The following KIF26B variants were observed in gnomAD, a reference collection of about 807,000 sequenced individuals.
The protein encoded by KIF26B is kinesin family member 26B, also known as kinesin-like protein KIF26B.
In KIF26B, 63 loss-of-function variants were observed where a neutral mutation model predicts 151.2. The ratio of observed to expected loss-of-function variants is 0.42; its 90% confidence interval spans 0.34 to 0.51. The LOEUF (loss-of-function observed/expected upper bound fraction) is 0.51. Ranked by LOEUF, KIF26B falls within the 20% of genes least tolerant of loss-of-function variation. KIF26B has a pLI of 0.07. For missense variants in KIF26B, 2,813 were observed against 2,913.6 expected (o/e 0.97, Z 0.79); for synonymous variants, 1,357 against 1,262.1 (o/e 1.08, Z -1.59).
At chr1:245,467,440 C>T (rs1659819818) in intron 4 of KIF26B, among the ~76,000 whole-genome samples, 2 of 152,140 alleles carry the variant, frequency 1.3e-5, no homozygotes, top group Non-Finnish European at 2.9e-5. Context: ...AAAGGGTCTT[C>T]TTCTATCAGT....
rs752257128 is a variant in KIF26B, at chr1:245,540,984, G to A, written c.1350+34G>A. The A allele has an allele frequency of 5.1e-6, 8 of 1,562,342 alleles. No homozygotes were observed. The South Asian group carries it at 9.4e-5, about 18-fold the overall frequency. On this transcript the variant is annotated intron_variant, in intron 5 of 14. Transcript: ENST00000407071. This position sits in a 1 kb window ranked among gnomAD's most constrained non-coding sequence, Gnocchi z 4.6. Reference sequence around the variant, plus strand: ...ATCCGCCGTCCCTGCCATTTGCCCAGTGTGCGAGGTTCTGGATCAAGTTTC... The same window carrying A: ...ATCCGCCGTCCCTGCCATTTGCCCAATGTGCGAGGTTCTGGATCAAGTTTC...
chr1:245,698,059 A>G lies in KIF26B; in HGVS notation c.5825-47A>G, dbSNP rs1558279485. ...CCTGTCTCAAAAAAACAACAAAAAA[A>G]TTGAAATTCAGAAAGACTAACTCTC... On this transcript the variant is annotated intron_variant, in intron 12 of 14. Transcript: ENST00000407071. This position sits in a 1 kb window ranked among gnomAD's most constrained non-coding sequence, Gnocchi z 4.0. The G allele has an allele frequency of 1.3e-6, 2 of 1,549,818 alleles. No individual in the cohort carries two copies. The highest frequency in any genetic ancestry group is 1.2e-5 in the South Asian group (1 of 83,932).
chr1:245,472,312 T>C (rs1342936547), intron 4 of KIF26B, among the ~76,000 whole-genome samples: 1 of 152,184 alleles, frequency 6.6e-6, no homozygotes, highest in African/African-American at 2.4e-5. Flanking sequence ...ATGTATTCAT[T>C]GGCCTGCTTG....
chr1:245,683,441 G>C (rs1226118796), intron 10 of KIF26B, among the ~76,000 whole-genome samples: 1 of 152,150 alleles, frequency 6.6e-6, no homozygotes, highest in Non-Finnish European at 1.5e-5. Flanking sequence ...GCTGGGACGA[G>C]TACAGGAACA....
chr1:245,430,715 T>C (rs1658756912), intron 4 of KIF26B, among the ~76,000 whole-genome samples: 1 of 152,176 alleles, frequency 6.6e-6, no homozygotes, highest in African/African-American at 2.4e-5. Context: ...GGGCTTCTTA[T>C]ATGCCACACA....
chr1:245,316,589 GC>G (rs1184636012), intron 2 of KIF26B, among the ~76,000 whole-genome samples: 4 of 151,452 alleles, frequency 2.6e-5, no homozygotes, highest in Non-Finnish European at 5.9e-5. Context: ...GATAGAATGT[GC>G]TTTAAGAGAT....
At chr1:245,460,875 C>T (rs562878598) in intron 4 of KIF26B, among the ~76,000 whole-genome samples, 2 of 152,340 alleles carry the variant, frequency 1.3e-5, no homozygotes, top group Admixed American at 6.5e-5. Context: ...CTTCTGCACA[C>T]ATGCCATGCT....
rs1391614528 is a variant in KIF26B, at chr1:245,646,179, T to C, written c.2157T>C (p.Leu719=). The C allele has an allele frequency of 1.9e-6, 3 of 1,613,986 alleles. No homozygotes were observed. Among genetic ancestry groups the C allele is most frequent in the East Asian group, 2.2e-5 (1 of 44,890 alleles). The part of the protein sequence containing the change: ...LIDLGSCVKA[L]SKNREGGSGL... Reference sequence around the variant, plus strand: ...ATCTCGGCAGCTGTGTGAAAGCTCTTAGCAAAAATCGAGAAGGAGGCTCAG... The same window carrying C: ...ATCTCGGCAGCTGTGTGAAAGCTCTCAGCAAAAATCGAGAAGGAGGCTCAG... Residue 719 remains leucine (L), a synonymous_variant, in exon 10 of 15, where the codon CTT becomes CTC. Transcript: ENST00000407071.
In KIF26B at chr1:245,609,174, T is replaced by C. The variant is rs6691713; in HGVS notation, c.1652-92T>C. 566 of 1,243,560 alleles carry C rather than the reference T, an allele frequency of 4.6e-4. 5 individuals are homozygous for C. The African/African-American group carries it at 7.6e-3, about 17-fold the overall frequency. The allele number at this position is 1,243,560 out of a possible 1,614,324, so 77.0% of individuals were successfully genotyped here. A position where few individuals can be genotyped will look rare whatever the true frequency, so the allele number is the denominator to read the frequency against. On this transcript the variant is annotated intron_variant, in intron 7 of 14. Coordinates refer to ENST00000407071, the MANE Select transcript of KIF26B (RefSeq NM_018012.4). The stretch of plus-strand genomic sequence containing the variant: ...TCCCTTTTCCCCCCTTCCCTGTGCC[T>C]TTCTTCTATATCCTTGGCATCTATT...
intron 2 of KIF26B, among the ~76,000 whole-genome samples, chr1:245,165,719 A>G (rs945952): frequency 0.99 from 150,120 of 152,280 alleles, 74,036 homozygotes; most frequent in Middle Eastern, 1. Flanking sequence ...CCAGGAGAAG[A>G]CAGTGTCATG....
At chr1:245,573,433 G>T (rs2043084587) in intron 5 of KIF26B, among the ~76,000 whole-genome samples, 1 of 152,158 alleles carries the variant, frequency 6.6e-6, no homozygotes. Flanking sequence ...TGAGGCAGAA[G>T]AATCGCTTGA....
chr1:245,649,878 T>C (rs2043996041), intron 10 of KIF26B, among the ~76,000 whole-genome samples: 1 of 152,206 alleles, frequency 6.6e-6, no homozygotes, highest in Non-Finnish European at 1.5e-5. Context: ...GAAAGTGAGT[T>C]TGGATTCATT....
intron 2 of KIF26B, among the ~76,000 whole-genome samples, chr1:245,326,987 CTT>C (rs911383804): frequency 8.5e-5 from 13 of 152,340 alleles, no homozygotes; most frequent in African/African-American, 2.9e-4. Context: ...TCACTTCTCT[CTT>C]CTTTTCCTAC....
intron 2 of KIF26B, among the ~76,000 whole-genome samples, chr1:245,264,696 C>T (rs754911423): frequency 6.6e-5 from 10 of 151,458 alleles, no homozygotes; most frequent in Non-Finnish European, 1.0e-4. Flanking sequence ...AGATCGAGAC[C>T]GTCCTGGCTA....
chr1:245,450,886 TATTTTAAGATGA>T (rs991638747), intron 4 of KIF26B, among the ~76,000 whole-genome samples: 63 of 152,210 alleles, frequency 4.1e-4, no homozygotes, highest in Non-Finnish European at 1.5e-4. Flanking sequence ...ATTTTTAAGA[TATTTTAAGATGA>T]ATTTTAAGAT....
chr1:245,444,208 AGAG>A (rs1430554119), intron 4 of KIF26B, among the ~76,000 whole-genome samples: 5 of 108,724 alleles, frequency 4.6e-5, no homozygotes, highest in Admixed American at 2.6e-4. Context: ...CACCTAGAGG[AGAG>A]GTCATCTCCC....
chr1:245,607,403 G>A (rs1048785698), intron 6 of KIF26B, among the ~76,000 whole-genome samples: 1 of 152,178 alleles, frequency 6.6e-6, no homozygotes, highest in Non-Finnish European at 1.5e-5. Flanking sequence ...AGACGCATTC[G>A]CTGAAACGTA....
At chr1:245,426,366 C>T (rs1215575591) in intron 4 of KIF26B, among the ~76,000 whole-genome samples, 2 of 152,156 alleles carry the variant, frequency 1.3e-5, no homozygotes, top group Non-Finnish European at 2.9e-5. Context: ...CACTCTCATT[C>T]CTTTCTCTGG....
chr1:245,339,373 G>A (rs1672293606), intron 2 of KIF26B, among the ~76,000 whole-genome samples: 1 of 152,178 alleles, frequency 6.6e-6, no homozygotes, highest in Non-Finnish European at 1.5e-5. Flanking sequence ...TACGGATGTG[G>A]CTGATACCAC....
Sources: allele counts gnomAD v4.1 joint callset (sites outside exome capture counted in the v4.1 genomes callset), GRCh38; gene constraint gnomAD v4.1.1; non-coding constraint Gnocchi (gnomAD v3.1); transcripts MANE v1.5; gene names NCBI Gene and HGNC (gene_info 2026-07-23, HGNC 2026-07-21).